The following RBFOX3 variants were observed in gnomAD, a reference collection of about 807,000 sequenced individuals.
RBFOX3 encodes the protein RNA binding protein fox-1 homolog 3.
Under a neutral mutation model 48.7 loss-of-function variants are expected in RBFOX3, and 17 were observed. The ratio of observed to expected loss-of-function variants is 0.35; its 90% CI spans 0.24 to 0.52. The LOEUF is 0.52. RBFOX3 is among the 20% of genes least tolerant of loss of function. RBFOX3 has a pLI of 0.94. For missense variants in RBFOX3, 382 were observed against 497.5 expected (o/e 0.77, Z 2.21); for synonymous variants, 212 against 209.5 (o/e 1.01, Z -0.10).
intron 4 of RBFOX3, among the ~76,000 whole-genome samples, chr17:79,130,904 C>G (rs779033193): frequency 1.3e-5 from 2 of 152,260 alleles, no homozygotes; most frequent in Non-Finnish European, 2.9e-5. Context: ...GATCCAGAGC[C>G]GCCGTGGTGC....
intron 1 of RBFOX3, among the ~76,000 whole-genome samples, chr17:79,578,354 G>A (rs2092930975): frequency 6.6e-6 from 1 of 152,264 alleles, no homozygotes; most frequent in Non-Finnish European, 1.5e-5. Context: ...CAGATACAGA[G>A]CAAAACCAAA....
Position 79,572,751 on chromosome 17 carries a change from C to T in RBFOX3, c.-320+38075G>A, listed in dbSNP as rs1484651406. Reference sequence around the variant, plus strand: ...GTGTTTCCCAAGGCTCATTGTCTCACAGCAAAGACCTGGGGAAGCTCAGCT... The same window carrying T: ...GTGTTTCCCAAGGCTCATTGTCTCATAGCAAAGACCTGGGGAAGCTCAGCT... On this transcript the variant is annotated intron_variant, in intron 1 of 14. Transcript: ENST00000693108. 2.6e-5 allele frequency among the ~76,000 whole-genome samples: 4 copies of T among 152,324 alleles called. No individual in the cohort carries two copies. In the South Asian group the frequency reaches 6.2e-4, roughly 24 times the overall value.
At chr17:79,115,130 G>A (rs11658825) in intron 5 of RBFOX3, among the ~76,000 whole-genome samples, 27,012 of 152,172 alleles carry the variant, frequency 0.18, 2,504 homozygotes, top group East Asian at 0.25. Context: ...TCCACTAACA[G>A]GTCTCTGGCA....
the RBFOX3 span, among the ~76,000 whole-genome samples, chr17:79,661,923 C>T: frequency 6.6e-6 from 1 of 152,052 alleles, no homozygotes; most frequent in Non-Finnish European, 1.5e-5. Flanking sequence ...TATCTTCTTC[C>T]ACTTGGTCCT....
intron 3 of RBFOX3, among the ~76,000 whole-genome samples, chr17:79,294,692 G>C (rs2074028598): frequency 6.6e-6 from 1 of 152,186 alleles, no homozygotes. Context: ...GGTGGGAGAC[G>C]CTGCCAGCCA....
chr17:79,184,519 G>A (rs2052997127), intron 4 of RBFOX3, among the ~76,000 whole-genome samples: 1 of 151,388 alleles, frequency 6.6e-6, no homozygotes, highest in South Asian at 2.1e-4. Flanking sequence ...GGCCTGCCCC[G>A]AGTCCACACT....
intron 2 of RBFOX3, among the ~76,000 whole-genome samples, chr17:79,409,672 TA>T (rs1344800473): frequency 2.0e-5 from 3 of 152,230 alleles, no homozygotes; most frequent in Non-Finnish European, 4.4e-5. Flanking sequence ...GCCCTGTGTC[TA>T]ACCCCAGAGC....
At chr17:79,563,624 C>T (rs1017205174) in intron 1 of RBFOX3, among the ~76,000 whole-genome samples, 11 of 152,336 alleles carry the variant, frequency 7.2e-5, no homozygotes, top group African/African-American at 2.6e-4. Flanking sequence ...TTTGATTACT[C>T]GTGAGATGAG....
At position 79,502,762 on chromosome 17, in the gene RBFOX3, A is replaced by G. The variant is rs965769738; in HGVS notation, c.-319-20164T>C. ...TCACTCATGCCGTGGAAAAGCATGG[A>G]TTCTGTTCCTCGGCACAGATCCAGA... On this transcript the variant is annotated intron_variant, in intron 1 of 14. Transcript: ENST00000693108. Among the ~76,000 whole-genome samples, 94 of 152,258 alleles carry G rather than the reference A, an allele frequency of 6.2e-4. 1 individual carries two copies. The highest frequency in any genetic ancestry group is 9.6e-4 in the Non-Finnish European group (65 of 68,002).
intron 2 of RBFOX3, among the ~76,000 whole-genome samples, chr17:79,465,703 G>T (rs9899419): frequency 6.6e-6 from 1 of 152,174 alleles, no homozygotes; most frequent in Admixed American, 6.5e-5. Context: ...GAGGGCTCCC[G>T]TCGGGGCCTG....
At chr17:79,174,003 A>C (rs2049960791) in intron 4 of RBFOX3, among the ~76,000 whole-genome samples, 1 of 151,770 alleles carries the variant, frequency 6.6e-6, no homozygotes, top group South Asian at 2.1e-4. Context: ...GCTTCCCCTG[A>C]ATTTGTTGGT....
At chr17:79,484,322 G>C (rs755622990) in intron 1 of RBFOX3, among the ~76,000 whole-genome samples, 1 of 152,224 alleles carries the variant, frequency 6.6e-6, no homozygotes, top group African/African-American at 2.4e-5. Context: ...GCAATGCCTG[G>C]GGAACATCTG....
Position 79,471,086 on chromosome 17 carries a change from T to A in RBFOX3, c.-175+11368A>T, listed in dbSNP as rs746203240. Among the ~76,000 whole-genome samples the A allele has an allele frequency of 3.5e-3, 540 of 152,316 alleles. No individual in the cohort carries two copies. Among genetic ancestry groups the A allele is most frequent in the Non-Finnish European group, 6.0e-3 (409 of 68,018 alleles). On this transcript the variant is annotated intron_variant, in intron 2 of 14. Transcript: ENST00000693108. This position sits in a 1 kb window ranked among gnomAD's most constrained non-coding sequence, Gnocchi z 4.0. ...AGAAAAAACAGAATTAACTGCTTCA[T>A]AGACAGTCAAAATAAGCTTTCTGCT...
intron 4 of RBFOX3, among the ~76,000 whole-genome samples, chr17:79,168,964 G>A (rs1206256657): frequency 1.3e-5 from 2 of 152,194 alleles, no homozygotes; most frequent in African/African-American, 2.4e-5. Flanking sequence ...ACACACAGCC[G>A]TGATACATGC....
In RBFOX3 at chr17:79,443,073, T is replaced by C. The variant is rs1416620035; in HGVS notation, c.-175+39381A>G. ...CCATGAGGTCCTCACAGGCCAAAGG[T>C]GCACATGGACGAGACAGTGGTGGCC... On this transcript the variant is annotated intron_variant, in intron 2 of 14. Transcript: ENST00000693108. This position sits in a 1 kb window ranked among gnomAD's most constrained non-coding sequence, Gnocchi z 4.4. Among the ~76,000 whole-genome samples, 1 of 152,158 alleles carries C rather than the reference T, an allele frequency of 6.6e-6. No individual in the cohort carries two copies. Among genetic ancestry groups the C allele is most frequent in the Non-Finnish European group, 1.5e-5 (1 of 68,024 alleles).
chr17:79,628,752 G>A, the RBFOX3 span, among the ~76,000 whole-genome samples: 10 of 152,112 alleles, frequency 6.6e-5, no homozygotes, highest in African/African-American at 2.2e-4. Context: ...CTTTTGATCC[G>A]AGTGCCAATC....
At chr17:79,644,296 A>AAGAC in the RBFOX3 span, among the ~76,000 whole-genome samples, 2 of 151,936 alleles carry the variant, frequency 1.3e-5, no homozygotes, top group Admixed American at 1.3e-4. Context: ...GCAGAAAATA[A>AAGAC]AGTAAAATCT....
intron 3 of RBFOX3, among the ~76,000 whole-genome samples, chr17:79,239,090 C>A (rs1032292945): frequency 6.6e-6 from 1 of 152,172 alleles, no homozygotes; most frequent in African/African-American, 2.4e-5. Flanking sequence ...TGGGAGCAAC[C>A]AACTCCAGTG....
chr17:79,324,954 G>A (rs1287568693), intron 2 of RBFOX3, among the ~76,000 whole-genome samples: 1 of 152,238 alleles, frequency 6.6e-6, no homozygotes, highest in African/African-American at 2.4e-5. Context: ...AGGCTTGTGT[G>A]CAAAGACAGG....
Sources: allele counts gnomAD v4.1 joint callset (sites outside exome capture counted in the v4.1 genomes callset), GRCh38; gene constraint gnomAD v4.1.1; non-coding constraint Gnocchi (gnomAD v3.1); transcripts MANE v1.5; gene names NCBI Gene and HGNC (gene_info 2026-07-23, HGNC 2026-07-21).